VIT: variants seen among roughly 807,000 people sequenced by gnomAD.
VIT encodes the protein vitrin.
A neutral mutation model predicts 78.0 loss-of-function variants in VIT; 99 were observed. The observed-to-expected ratio is 1.27, with a 90% CI of 1.08 to 1.50. VIT has a LOEUF of 1.50. Among genes scored for constraint, VIT ranks in the 40% most tolerant of loss-of-function variants. The pLI, the probability that VIT is intolerant of heterozygous loss-of-function variation, is 0.00. For missense variants in VIT, 1,126 were observed against 875.3 expected, an observed-to-expected ratio of 1.29 and a Z score of -3.61; for synonymous variants, 374 against 334.3, an observed-to-expected ratio of 1.12 and a Z score of -1.29.
chr2:36,806,790 C>G (rs1172431378), intron 14 of VIT, among the ~76,000 whole-genome samples: 3 of 152,100 alleles, frequency 2.0e-5, no homozygotes, highest in Non-Finnish European at 4.4e-5. Flanking sequence ...GTCTCGATCT[C>G]CTGACCTCTT....
intron 7 of VIT, among the ~76,000 whole-genome samples, 169 bp downstream of exon 7, chr2:36,767,454 G>C (rs1669504891): frequency 6.6e-6 from 1 of 152,212 alleles, no homozygotes; most frequent in African/African-American, 2.4e-5. Flanking sequence ...GGAGGATGTA[G>C]ATTCAAAAAT....
At chr2:36,719,709 T>C (rs1666375791) in intron 2 of VIT, among the ~76,000 whole-genome samples, 4 of 152,154 alleles carry the variant, frequency 2.6e-5, no homozygotes. Context: ...GTGGCGGAAG[T>C]AGGCAGATCA....
intron 6 of VIT, among the ~76,000 whole-genome samples, chr2:36,761,252 G>T (rs1669100627): frequency 6.6e-6 from 1 of 152,306 alleles, no homozygotes; most frequent in African/African-American, 2.4e-5. Flanking sequence ...GTACGACAAA[G>T]TGTGAAGGAA....
At chr2:36,707,604 G>A (rs975890858) in intron 1 of VIT, among the ~76,000 whole-genome samples, 1 of 152,124 alleles carries the variant, frequency 6.6e-6, no homozygotes, top group African/African-American at 2.4e-5. Context: ...CGGGAGCTGT[G>A]GATGGACCCG....
chr2:36,718,648 C>A (rs943192748), intron 2 of VIT, among the ~76,000 whole-genome samples: 1 of 152,090 alleles, frequency 6.6e-6, no homozygotes, highest in Non-Finnish European at 1.5e-5. Flanking sequence ...CAGGAGCCAG[C>A]GGCACTATTC....
chr2:36,697,841 G>A (rs1664774969), intron 1 of VIT, among the ~76,000 whole-genome samples: 1 of 152,168 alleles, frequency 6.6e-6, no homozygotes, highest in Non-Finnish European at 1.5e-5. Flanking sequence ...TGGCCGTGGT[G>A]GTTGCTCAAA....
intron 2 of VIT, among the ~76,000 whole-genome samples, chr2:36,718,789 G>A (rs1666318202): frequency 6.6e-6 from 1 of 152,098 alleles, no homozygotes; most frequent in African/African-American, 2.4e-5. Context: ...TCCCAACACT[G>A]CCTCTACAAT....
At chr2:36,739,511 G>C (rs1667703975) in intron 3 of VIT, among the ~76,000 whole-genome samples, 2 of 152,134 alleles carry the variant, frequency 1.3e-5, no homozygotes, top group African/African-American at 4.8e-5. Context: ...GAGACCTTTT[G>C]CCCAGGAACC....
chr2:36,789,398 C>G (rs889809183), intron 12 of VIT, among the ~76,000 whole-genome samples: 2 of 152,176 alleles, frequency 1.3e-5, no homozygotes, highest in Non-Finnish European at 2.9e-5. Context: ...GACTAACAGA[C>G]CAGATAACTG....
intron 3 of VIT, among the ~76,000 whole-genome samples, chr2:36,737,988 C>G (rs190734065): frequency 6.6e-6 from 1 of 152,332 alleles, no homozygotes; most frequent in African/African-American, 2.4e-5. Context: ...TGAGTAGACT[C>G]TACCCTGGCA....
At chr2:36,813,573 G>A (rs543326904) in intron 15 of VIT, among the ~76,000 whole-genome samples, 2 of 152,236 alleles carry the variant, frequency 1.3e-5, no homozygotes, top group South Asian at 2.1e-4. Flanking sequence ...CACAATGTTG[G>A]AACACATGCT....
intron 15 of VIT, among the ~76,000 whole-genome samples, chr2:36,810,915 T>C (rs199765393): frequency 1.3e-5 from 2 of 152,360 alleles, no homozygotes; most frequent in East Asian, 3.9e-4. Context: ...ATCACAGGCA[T>C]GAGCCACTGC....
At chr2:36,799,980 G>A (rs1290613009) in intron 12 of VIT, among the ~76,000 whole-genome samples, 1 of 150,372 alleles carries the variant, frequency 6.7e-6, no homozygotes, top group East Asian at 2.0e-4. Context: ...CCCGGGAGGT[G>A]GAGACTGCAG....
chr2:36,749,289 A>C (rs2148533185), intron 4 of VIT, among the ~76,000 whole-genome samples: 1 of 152,214 alleles, frequency 6.6e-6, no homozygotes, highest in South Asian at 2.1e-4. Context: ...GGGGATGGGG[A>C]AAGTGGAGAA....
chr2:36,716,472 G>C (rs1666143988), intron 2 of VIT, 50 bp downstream of exon 2: 1 of 1,579,912 alleles, frequency 6.3e-7, no homozygotes, highest in Non-Finnish European at 8.7e-7. Flanking sequence ...ATTTTCCTAA[G>C]ATCCAAAGAA....
intron 1 of VIT, among the ~76,000 whole-genome samples, chr2:36,705,478 T>C (rs1469122143): frequency 6.6e-6 from 1 of 152,154 alleles, no homozygotes; most frequent in Admixed American, 6.6e-5. Context: ...CAGTACAAAA[T>C]AACCGTCTGA....
chr2:36,804,497 G>C (rs1558589345), intron 13 of VIT, among the ~76,000 whole-genome samples: 2 of 152,192 alleles, frequency 1.3e-5, no homozygotes, highest in Admixed American at 1.3e-4. Context: ...TGGCTTAGGG[G>C]CTTAGTGTGG....
intron 7 of VIT, among the ~76,000 whole-genome samples, chr2:36,772,074 C>G (rs1313526090): frequency 6.6e-6 from 1 of 152,172 alleles, no homozygotes; most frequent in Non-Finnish European, 1.5e-5. Context: ...CTTATTTTTA[C>G]AGTAAGCCTA....
At chr2:36,736,823 T>C (rs1667536928) in intron 3 of VIT, among the ~76,000 whole-genome samples, 1 of 152,236 alleles carries the variant, frequency 6.6e-6, no homozygotes, top group Non-Finnish European at 1.5e-5. Context: ...TGGGGTTGTG[T>C]TTTCATAAGT....
Sources: gnomAD v4.1 joint callset for allele counts (sites outside exome capture counted in the v4.1 genomes callset) on GRCh38, gnomAD v4.1.1 for gene constraint, MANE v1.5 for transcripts, NCBI Gene and HGNC (gene_info 2026-07-23, HGNC 2026-07-21) for gene names.